The following PCSK7 variants were observed in gnomAD, a reference collection of about 807,000 sequenced individuals.
PCSK7 encodes the protein lymphoma proprotein convertase.
In PCSK7, 38 loss-of-function variants were observed where a neutral mutation model predicts 73.3. The ratio of observed to expected loss-of-function variants is 0.52; its 90% CI spans 0.40 to 0.68. PCSK7 has a LOEUF of 0.68. Among genes scored for constraint, PCSK7 ranks in the 30% least tolerant of loss-of-function variants. PCSK7 has a pLI of 0.00. For missense variants in PCSK7, 692 were observed against 991.5 expected, an observed-to-expected ratio of 0.70 and a Z score of 4.06; for synonymous variants, 296 against 383.8, an observed-to-expected ratio of 0.77 and a Z score of 2.68.
At chr11:117,222,076 A>G (rs2032221326) in intron 9 of PCSK7, 2 of 152,194 alleles carry the variant, frequency 1.3e-5, no homozygotes, top group African/African-American at 4.8e-5. Context: ...CTAATTCCCA[A>G]TGGCCCCAGA....
At chr11:117,229,317 A>AGG in intron 3 of PCSK7, 60 bp downstream of exon 3, 1 of 1,278,028 alleles carries the variant, frequency 7.8e-7, no homozygotes, top group Admixed American at 1.8e-5. Context: ...TCAAAAGCCC[A>AGG]TTAAAGAACT....
chr11:117,216,686 C>A (rs916777239), intron 12 of PCSK7: 2 of 151,984 alleles, frequency 1.3e-5, no homozygotes, highest in Admixed American at 6.6e-5. Flanking sequence ...TCCCAAAGTT[C>A]CCAAAGTGCT....
intron 9 of PCSK7, chr11:117,220,182 G>T (rs1177676261): frequency 6.5e-6 from 1 of 153,388 alleles, no homozygotes; most frequent in Non-Finnish European, 1.4e-5. Context: ...ACTTTTGAGG[G>T]TGTGGTTGTT....
In PCSK7 at chr11:117,230,416, G is replaced by A. The variant is rs2032600251; in HGVS notation, c.-80C>T. 6.6e-6 allele frequency: 1 copy of A among 152,660 alleles called. No individual in the cohort carries two copies. Among genetic ancestry groups the A allele is most frequent in the South Asian group, 2.1e-4 (1 of 4,842 alleles). The allele number at this position is 152,660 out of a possible 1,614,324, so 9.5% of individuals were successfully genotyped here. On this transcript the variant is annotated 5_prime_UTR_variant, in exon 2 of 17. Transcript: ENST00000320934. ...GTCACACTCATGTTGTGCAAATGGAGAAAAGGCATCACTTTCACTGTGAGT... is the reference window on the plus strand; with the variant it reads ...GTCACACTCATGTTGTGCAAATGGAAAAAAGGCATCACTTTCACTGTGAGT...
At chr11:117,229,962 A>G (rs1403108710) in intron 2 of PCSK7, 106 bp from the exon 3 acceptor site, 4 of 650,846 alleles carry the variant, frequency 6.1e-6, no homozygotes, top group Non-Finnish European at 1.0e-5. Context: ...GAAGTCCCTA[A>G]GCCATGCCTT....
In PCSK7 at chr11:117,218,152, C is replaced by A; in HGVS notation, c.1534+314G>T. The A allele has an allele frequency of 5.2e-6, 1 of 193,298 alleles. No individual in the cohort carries two copies. 12.0% of individuals were successfully genotyped at this position (193,298 alleles called of 1,614,324 possible). A position where few individuals can be genotyped will look rare whatever the true frequency, so the allele number is the denominator to read the frequency against. ...TAGCATGGAAGTCACAGGAGCTTCT[C>A]TGAGCTCTCACCCCGGTCTCGCCTG... On this transcript the variant is annotated intron_variant, in intron 12 of 16. Transcript: ENST00000320934. The surrounding 1 kb of genome is among the most constrained non-coding windows in gnomAD (Gnocchi z 4.0).
At chr11:117,210,332 A>G (rs1215945583) in intron 12 of PCSK7, 1 of 152,214 alleles carries the variant, frequency 6.6e-6, no homozygotes, top group South Asian at 2.1e-4. Flanking sequence ...GGGGACTATT[A>G]AGAAATTAGG....
Position 117,215,392 on chromosome 11 carries a change from A to AC in PCSK7, c.1534+3073_1534+3074insG, listed in dbSNP as rs1490099284. 2 of 60,256 alleles carry AC rather than the reference A, an allele frequency of 3.3e-5. 1 individual carries two copies. 3.7% of individuals were successfully genotyped at this position (60,256 alleles called of 1,614,324 possible). A position where few individuals can be genotyped will look rare whatever the true frequency, so the allele number is the denominator to read the frequency against. ...TGTGTGTGTGTGTGTATATATATAT[A>AC]TATATATATATATACTTTTTTTTTT... On this transcript the variant is annotated intron_variant, in intron 12 of 16. Transcript: ENST00000320934.
At chr11:117,225,832 C>A (rs1010453559) in intron 6 of PCSK7, 99 bp downstream of exon 6, 7 of 756,168 alleles carry the variant, frequency 9.3e-6, no homozygotes, top group Non-Finnish European at 1.4e-5. Flanking sequence ...TGAGGAGACC[C>A]CTGCTCCGGC....
At chr11:117,211,949 A>C (rs1251996405) in intron 12 of PCSK7, 1 of 152,240 alleles carries the variant, frequency 6.6e-6, no homozygotes, top group Non-Finnish European at 1.5e-5. Flanking sequence ...TCAGAATGGT[A>C]CCTAGCTAAT....
At chr11:117,215,362 A>ATTTTTTTTTT (rs1255701993) in intron 12 of PCSK7, 5 of 73,836 alleles carry the variant, frequency 6.8e-5, no homozygotes, top group African/African-American at 4.3e-4. Flanking sequence ...TGCCTGGCTA[A>ATTTTTTTTTT]TTTGTGTGTG....
chr11:117,225,945 G>A lies in PCSK7; in HGVS notation c.846C>T (p.Asp282=). The change falls in exon 6 of 17, where the codon GAC becomes GAT. Residue 282 remains aspartate, a synonymous_variant. Transcript: ENST00000320934. ...CTCTGCCTCACCTGCAGCTGTAGAT[G>A]TCATTGATCTGATAGTGCTTGTTGA... is the stretch of plus-strand genomic sequence containing the variant. ...VAFNKHYQIN[D]IYSCSWGPDD... 6.2e-7 allele frequency: 1 copy of A among 1,605,224 alleles called. No homozygotes were observed. Among genetic ancestry groups the A allele is most frequent in the African/African-American group, 1.3e-5 (1 of 74,810 alleles).
intron 4 of PCSK7, 24 bp downstream of exon 4, chr11:117,228,192 G>A (rs2032502886): frequency 3.1e-6 from 5 of 1,609,874 alleles, no homozygotes; most frequent in East Asian, 2.2e-5. Context: ...GGGGAGTGAG[G>A]GGTGTCGTTC....
chr11:117,226,134 C>A, intron 5 of PCSK7, 113 bp from the exon 6 acceptor site: 8 of 644,694 alleles, frequency 1.2e-5, no homozygotes, highest in African/African-American at 2.0e-5. Context: ...GCTCTTTGTA[C>A]ATTTTGCTTT....
chr11:117,219,270 T>A lies in PCSK7; in HGVS notation c.1324-106A>T, dbSNP rs889168641. ...CTGCTGGCTGATCCAGTCCACGCTC[T>A]CCCACTATGGCTACTGGGAATGGAT... On this transcript the variant is annotated intron_variant, in intron 10 of 16. Coordinates refer to ENST00000320934, the MANE Select transcript of PCSK7 (RefSeq NM_004716.4). 33 of 805,290 alleles carry A rather than the reference T, an allele frequency of 4.1e-5. 1 individual carries two copies. The highest frequency in any genetic ancestry group is 3.3e-4 in the South Asian group (20 of 61,066). 49.9% of individuals were successfully genotyped at this position (805,290 alleles called of 1,614,324 possible).
At chr11:117,217,488 GT>G (rs1216439669) in intron 12 of PCSK7, 1 of 152,200 alleles carries the variant, frequency 6.6e-6, no homozygotes, top group Non-Finnish European at 1.5e-5. Flanking sequence ...TGGCCCAGGG[GT>G]TTCATTCCAC....
In PCSK7 at chr11:117,205,280, G is replaced by C. The variant is rs1236423423; in HGVS notation, c.*717C>G. 4.3e-6 allele frequency: 1 copy of C among 233,662 alleles called. No individual in the cohort carries two copies. Among genetic ancestry groups the C allele is most frequent in the Non-Finnish European group, 8.5e-6 (1 of 118,094 alleles). The allele number at this position is 233,662 out of a possible 1,614,324, so 14.5% of individuals were successfully genotyped here. ...GGGAAGGCCATTTCCCTGAGCACTT[G>C]CAGAGGAAGACAGGGTGGTGGCAGG... On this transcript the variant is annotated 3_prime_UTR_variant, in exon 17 of 17. Coordinates refer to ENST00000320934, the MANE Select transcript of PCSK7 (RefSeq NM_004716.4).
chr11:117,229,345 C>T (rs2032550451), intron 3 of PCSK7, 32 bp downstream of exon 3: 1 of 1,542,258 alleles, frequency 6.5e-7, no homozygotes, highest in Non-Finnish European at 8.8e-7. Flanking sequence ...AACCTACCCA[C>T]CTGAAACTGC....
intron 6 of PCSK7, 189 bp from the exon 7 acceptor site, chr11:117,224,944 C>T (rs1052093203): frequency 3.4e-6 from 2 of 592,928 alleles, no homozygotes; most frequent in African/African-American, 3.7e-5. Flanking sequence ...AAGTGGAAAA[C>T]AGAAGTGTGC....
Sources: allele counts gnomAD v4.1 joint callset, GRCh38; gene constraint gnomAD v4.1.1; non-coding constraint Gnocchi (gnomAD v3.1); transcripts MANE v1.5; gene names NCBI Gene and HGNC (gene_info 2026-07-23, HGNC 2026-07-21).